The following PLEC variants were observed in gnomAD, a reference collection of about 807,000 sequenced individuals.
The protein encoded by PLEC is hemidesmosomal protein 1.
In PLEC, 216 loss-of-function variants were observed where a neutral mutation model predicts 392.8. The ratio of observed to expected loss-of-function variants is 0.55; its 90% CI spans 0.49 to 0.62. PLEC has a LOEUF of 0.62. Ranked by LOEUF, PLEC falls within the 20% of genes least tolerant of loss-of-function variation. The probability of loss-of-function intolerance (pLI) is 0.00; values close to 1 mark genes in which losing one functional copy is unlikely to be tolerated. For synonymous variants in PLEC, 3,621 were observed against 2,980.6 expected, an observed-to-expected ratio of 1.21 and a Z score of -7.00; for missense variants, 6,863 against 6,563.4, an observed-to-expected ratio of 1.05 and a Z score of -1.58.
chr8:143,962,367 G>A (rs987268988), intron 1 of PLEC, among the ~76,000 whole-genome samples: 2 of 152,184 alleles, frequency 1.3e-5, no homozygotes, highest in Non-Finnish European at 2.9e-5. Flanking sequence ...TGCCGACACC[G>A]GATTTTTAAC....
chr8:143,974,168 A>G (rs1332490900), upstream of PLEC, among the ~76,000 whole-genome samples: 1 of 152,202 alleles, frequency 6.6e-6, no homozygotes, highest in Admixed American at 6.5e-5. The surrounding 1 kb of genome is among the most constrained non-coding windows in gnomAD (Gnocchi z 5.9). Context: ...GCTTCCAGGA[A>G]TCGGTCCTAA....
At chr8:143,972,388 A>C (rs1269605323) in intron 1 of PLEC, among the ~76,000 whole-genome samples, 2 of 152,366 alleles carry the variant, frequency 1.3e-5, no homozygotes, top group East Asian at 3.9e-4. Flanking sequence ...AGAGAGCCAC[A>C]GCAGTACATC....
In PLEC at chr8:143,938,536, C is replaced by A. The variant is rs561656376; in HGVS notation, c.174+95G>T. The A allele has an allele frequency of 3.1e-5, 48 of 1,541,830 alleles. No homozygotes were observed. The African/African-American group carries it at 6.4e-4, about 21-fold the overall frequency. ...CAGAGATGAAAGGTGAGCACACAGGCAGCATGGGGACAGCCTTGGGCGGCA... is the reference window on the plus strand; with the variant it reads ...CAGAGATGAAAGGTGAGCACACAGGAAGCATGGGGACAGCCTTGGGCGGCA... On this transcript the variant is annotated intron_variant, in intron 2 of 31. Coordinates refer to ENST00000345136, the MANE Select transcript of PLEC (RefSeq NM_201384.3).
chr8:143,972,104 C>T lies in PLEC; in HGVS notation c.70+1299G>A, dbSNP rs113891318. Among the ~76,000 whole-genome samples, 630 of 152,336 alleles carry T rather than the reference C, an allele frequency of 4.1e-3. 7 individuals carry two copies. The highest frequency in any genetic ancestry group is 0.01 in the Middle Eastern group (3 of 292). On this transcript the variant is annotated intron_variant, in intron 1 of 31. Transcript: ENST00000356346. The stretch of plus-strand genomic sequence containing the variant: ...CCAGATGAAGAACTCCAGGAGGAAA[C>T]GATCCTGCACAGTTCCCGCACTTTG...
Position 143,919,404 on chromosome 8 carries a change from C to T in PLEC, c.10417G>A (p.Gly3473Ser), listed in dbSNP as rs201765507. 8.6e-5 allele frequency: 138 copies of T among 1,613,286 alleles called. No individual in the cohort carries two copies. Among genetic ancestry groups the T allele is most frequent in the African/African-American group, 1.2e-4 (9 of 74,920 alleles). Residue 3473 changes from glycine (G) to serine (S), a missense_variant, in exon 32 of 32, where the codon GGC becomes AGC. Transcript: ENST00000345136. ...RLLEAQIATG[G>S]IIDPVHSHRV... is the part of the protein sequence containing the mutation. ...TGGCTGTGCACGGGGTCGATGATGC[C>T]GCCCGTGGCGATCTGGGCCTCCAGC...
chr8:143,956,467 C>T (rs889039957), upstream of PLEC, among the ~76,000 whole-genome samples: 2 of 152,180 alleles, frequency 1.3e-5, no homozygotes, highest in Admixed American at 6.5e-5. Context: ...CTTTGGGATG[C>T]TGAGGCAGAA....
rs1554715923 is a variant in PLEC at position 143,931,943 on chromosome 8, G to A, written c.2172C>T (p.Tyr724=). The A allele has an allele frequency of 1.2e-6, 2 of 1,605,972 alleles. No individual in the cohort carries two copies. Among genetic ancestry groups the A allele is most frequent in the African/African-American group, 2.7e-5 (2 of 74,930 alleles). The stretch of plus-strand genomic sequence containing the variant: ...AGGGGGCTCCGGTTCTCACCTGAAA[G>A]TAGGCAGCGTTCTCCTTCAGGTGTG... ...IEAHLKENAA[Y]FQFFSDVREA... The change falls in exon 18 of 32, where the codon TAC becomes TAT. Residue 724 remains tyrosine, a synonymous_variant. Transcript: ENST00000345136.
At position 143,920,468 on chromosome 8, in the gene PLEC, T is replaced by C. The variant is rs959235170; in HGVS notation, c.9353A>G (p.Gln3118Arg). Reference sequence around the variant, plus strand: ...GGGAATGAGGCCCTTCTTCAGGGCCTGGAACAGGGAGACGCTCTGCCCTGT... The same window carrying C: ...GGGAATGAGGCCCTTCTTCAGGGCCCGGAACAGGGAGACGCTCTGCCCTGT... ...PYTGQSVSLF[Q>R]ALKKGLIPRE... Residue 3118 changes from glutamine (Q) to arginine (R), a missense_variant, in exon 32 of 32, where the codon CAG becomes CGG. By Grantham distance (43) the Gln-to-Arg change is conservative. Transcript: ENST00000345136. 4 of 1,604,040 alleles carry C rather than the reference T, an allele frequency of 2.5e-6. No homozygotes were observed. The highest frequency in any genetic ancestry group is 3.4e-6 in the Non-Finnish European group (4 of 1,175,754).
Position 143,917,698 on chromosome 8 carries a change from G to A in PLEC, c.12123C>T (p.Arg4041=), listed in dbSNP as rs1821029933. ...KGLILKDHGI[R]LLEAQIATGG... ...CCGTGGCGATCTGGGCCTCCAGCAG[G>A]CGGATGCCATGGTCCTTCAGGATCA... is the stretch of plus-strand genomic sequence containing the variant. The change falls in exon 32 of 32, where the codon CGC becomes CGT. Residue 4041 remains arginine, a synonymous_variant. Transcript: ENST00000345136. 4 of 1,613,546 alleles carry A rather than the reference G, an allele frequency of 2.5e-6. No homozygotes were observed. The highest frequency in any genetic ancestry group is 3.4e-6 in the Non-Finnish European group (4 of 1,180,016).
intron 1 of PLEC, among the ~76,000 whole-genome samples, chr8:143,971,667 G>T (rs1833438777): frequency 6.6e-6 from 1 of 152,178 alleles, no homozygotes; most frequent in Non-Finnish European, 1.5e-5. Flanking sequence ...GAGACTTGGG[G>T]TACCTGGTGT....
chr8:143,929,698 C>T lies in PLEC; in HGVS notation c.2871G>A (p.Glu957=), dbSNP rs1233257307. Residue 957 remains glutamate, a synonymous_variant, in exon 23 of 32, where the codon GAG becomes GAA. Coordinates refer to ENST00000345136, the MANE Select transcript of PLEC (RefSeq NM_201384.3). ...GGTAGTGGTGGCTGCAGGAGCCGTA[C>T]TCGCGCTCAGCCATCAGCCGGTCCT... ...GPEDRLMAER[E]YGSCSHHYQQ... 3.8e-6 allele frequency: 6 copies of T among 1,599,504 alleles called. No individual in the cohort carries two copies. In the African/African-American group the frequency reaches 5.3e-5, roughly 14 times the overall value.
rs1326203510 is a variant in PLEC, at chr8:143,922,550, T to G, written c.7379A>C (p.Glu2460Ala). The G allele has an allele frequency of 2.5e-6, 4 of 1,613,024 alleles. No homozygotes were observed. The highest frequency in any genetic ancestry group is 1.3e-5 in the African/African-American group (1 of 75,044). ...EAIAELEREK[E>A]KLQQEAKLLQ... ...CAGTTTGGCCTCCTGTTGGAGCTTC[T>G]CCTTCTCACGCTCCAGCTCAGCGAT... is the stretch of plus-strand genomic sequence containing the variant. Residue 2460 changes from glutamate (E) to alanine (A), a missense_variant, in exon 31 of 32, where the codon GAG (glutamate) becomes GCG (alanine). Physicochemically the swap from Glu to Ala is moderately radical, Grantham distance 107 (BLOSUM62 -1). Coordinates refer to ENST00000345136, the MANE Select transcript of PLEC (RefSeq NM_201384.3).
rs782633968 is a variant in PLEC at position 143,947,479 on chromosome 8, C to T, written c.523+2705G>A. Reference sequence around the variant, plus strand: ...ATTTGCAATGTAAATTAGGGCTGGGCGGTAGCTATAATCCCAGCACTTTGG... The same window carrying T: ...ATTTGCAATGTAAATTAGGGCTGGGTGGTAGCTATAATCCCAGCACTTTGG... On this transcript the variant is annotated intron_variant, in intron 1 of 31. Transcript: ENST00000322810. Among the ~76,000 whole-genome samples the T allele has an allele frequency of 3.9e-5, 6 of 152,078 alleles. No homozygotes were observed. The South Asian group carries it at 6.2e-4, about 16-fold the overall frequency.
rs2131629944 is a variant in PLEC at position 143,927,982 on chromosome 8, T to C, written c.3271A>G (p.Ile1091Val). The change falls in exon 26 of 32, where the codon ATC becomes GTC. Residue 1091 changes from isoleucine to valine, a missense_variant. By Grantham distance (29) the Ile-to-Val change is conservative. Transcript: ENST00000345136. The part of the protein sequence containing the change: ...SAIYLEKLKT[I>V]SLVIRGTQGA... ...TGCGTGCCGCGGATCACCAGGCTGATGGTCTTGAGCCTGGCGGGAAAGCGG... is the reference window on the plus strand; with the variant it reads ...TGCGTGCCGCGGATCACCAGGCTGACGGTCTTGAGCCTGGCGGGAAAGCGG... The C allele has an allele frequency of 1.3e-6, 2 of 1,599,402 alleles. No homozygotes were observed. Among genetic ancestry groups the C allele is most frequent in the East Asian group, 4.5e-5 (2 of 44,444 alleles).
At position 143,920,409 on chromosome 8, in the gene PLEC, G is replaced by T. The variant is rs1461732632; in HGVS notation, c.9412C>A (p.Leu3138Met). ...GGGTCCACGATGCCGCCCGTGGACA[G>T]CTGGGCGTCCAACAGGCGCAGGCCC... is the stretch of plus-strand genomic sequence containing the variant. ...EQGLRLLDAQ[L>M]STGGIVDPSK... The change falls in exon 32 of 32, where the codon CTG (leucine) becomes ATG (methionine). Residue 3138 changes from leucine to methionine, a missense_variant. By Grantham distance (15) the Leu-to-Met change is conservative. Transcript: ENST00000345136. 1.3e-6 allele frequency: 2 copies of T among 1,593,912 alleles called. No homozygotes were observed. The highest frequency in any genetic ancestry group is 1.7e-6 in the Non-Finnish European group (2 of 1,173,218).
In PLEC at chr8:143,915,194, C is replaced by T. The variant is rs1299226361; in HGVS notation, c.*983G>A. On this transcript the variant is annotated 3_prime_UTR_variant, in exon 32 of 32. Coordinates refer to ENST00000345136, the MANE Select transcript of PLEC (RefSeq NM_201384.3). Reference sequence around the variant, plus strand: ...TTATTGGGGGCGGATACCGCAAGGCCCCGCCCACGGTCAGGTTAGTGTTCT... The same window carrying T: ...TTATTGGGGGCGGATACCGCAAGGCTCCGCCCACGGTCAGGTTAGTGTTCT... The T allele has an allele frequency of 6.6e-6, 1 of 152,554 alleles. No homozygotes were observed. The highest frequency in any genetic ancestry group is 2.4e-5 in the African/African-American group (1 of 41,452). 9.5% of individuals were successfully genotyped at this position (152,554 alleles called of 1,614,324 possible). A position where few individuals can be genotyped will look rare whatever the true frequency, so the allele number is the denominator to read the frequency against.
rs1301390175 is a variant in PLEC, at chr8:143,973,307, C to T, written c.70+96G>A. ...ACGAGGCCGGCGGAGTGGCCGCGCTCGGGCCGGCGATCGGGACCGCCACCG... is the reference window on the plus strand; with the variant it reads ...ACGAGGCCGGCGGAGTGGCCGCGCTTGGGCCGGCGATCGGGACCGCCACCG... On this transcript the variant is annotated intron_variant, in intron 1 of 31. Transcript: ENST00000356346. The surrounding 1 kb of genome is among the most constrained non-coding windows in gnomAD (Gnocchi z 5.6). 5 of 1,465,560 alleles carry T rather than the reference C, an allele frequency of 3.4e-6. No homozygotes were observed. In the South Asian group the frequency reaches 4.9e-5, roughly 14 times the overall value. 90.8% of individuals were successfully genotyped at this position (1,465,560 alleles called of 1,614,324 possible).
chr8:143,925,759 C>T lies in PLEC; in HGVS notation c.4170G>A (p.Ala1390=), dbSNP rs782792939. ...AQAKAQAERE[A]KELQQRMQEE... ...CCTGCATGCGCTGCTGCAGCTCCTT[C>T]GCCTCCCGCTCCGCCTGTGCCTTTG... The change falls in exon 31 of 32, where the codon GCG becomes GCA. Residue 1390 remains alanine (A), a synonymous_variant. Coordinates refer to ENST00000345136, the MANE Select transcript of PLEC (RefSeq NM_201384.3). 2.4e-5 allele frequency: 38 copies of T among 1,592,610 alleles called. No homozygotes were observed. Among genetic ancestry groups the T allele is most frequent in the East Asian group, 6.7e-5 (3 of 44,652 alleles).
At chr8:143,927,144 A>G in intron 28 of PLEC, 63 bp from the exon 29 acceptor site, 1 of 1,556,716 alleles carries the variant, frequency 6.4e-7, no homozygotes. Flanking sequence ...CCCAGCCCCT[A>G]AACCCTCACA....
Sources: gnomAD v4.1 joint callset for allele counts (sites outside exome capture counted in the v4.1 genomes callset) on GRCh38, gnomAD v4.1.1 for gene constraint, Gnocchi (gnomAD v3.1) non-coding constraint, MANE v1.5 for transcripts, NCBI Gene and HGNC (gene_info 2026-07-23, HGNC 2026-07-21) for gene names.